The following BAZ2B variants were observed in gnomAD, a reference collection of about 807,000 sequenced individuals.
BAZ2B encodes bromodomain adjacent to zinc finger domain 2B.
In BAZ2B, 91 loss-of-function variants were observed where a neutral mutation model predicts 246.0. That is an observed-to-expected ratio of 0.37 (90% confidence interval 0.31 to 0.44). The LOEUF is 0.44. Ranked by LOEUF, BAZ2B falls within the 20% of genes least tolerant of loss-of-function variation. The probability of loss-of-function intolerance (pLI) is 1.00; values close to 1 mark genes in which losing one functional copy is unlikely to be tolerated. For synonymous variants in BAZ2B, 855 were observed against 860.0 expected, an observed-to-expected ratio of 0.99 and a Z score of 0.10; for missense variants, 2,332 against 2,533.7, an observed-to-expected ratio of 0.92 and a Z score of 1.71.
At chr2:159,637,575 A>AT in the BAZ2B span, among the ~76,000 whole-genome samples, 1 of 151,874 alleles carries the variant, frequency 6.6e-6, no homozygotes, top group East Asian at 1.9e-4. Context: ...TTTTATTTTT[A>AT]TTTTTTTCGA....
At chr2:159,644,760 A>T in the BAZ2B span, among the ~76,000 whole-genome samples, 1 of 152,152 alleles carries the variant, frequency 6.6e-6, no homozygotes, top group Admixed American at 6.5e-5. Context: ...TACACCCAGG[A>T]GGCGCACCCA....
intron 3 of BAZ2B, among the ~76,000 whole-genome samples, chr2:159,477,764 G>C (rs1346432852): frequency 6.6e-6 from 1 of 152,222 alleles, no homozygotes; most frequent in Non-Finnish European, 1.5e-5. Context: ...AACCAAGAGT[G>C]ATTTTGGGAG....
intron 2 of BAZ2B, among the ~76,000 whole-genome samples, chr2:159,509,863 A>G (rs12988824): frequency 0.15 from 22,244 of 152,096 alleles, 1,829 homozygotes; most frequent in Middle Eastern, 0.2. Flanking sequence ...ACATGTATAT[A>G]TGAGCAACTG....
intron 27 of BAZ2B, among the ~76,000 whole-genome samples, chr2:159,357,209 G>A (rs1435901888): frequency 6.6e-6 from 1 of 151,920 alleles, no homozygotes; most frequent in African/African-American, 2.4e-5. Context: ...AACCCAATGC[G>A]ATGAAGCTAA....
At chr2:159,509,443 G>A (rs181277325) in intron 2 of BAZ2B, among the ~76,000 whole-genome samples, 2 of 152,104 alleles carry the variant, frequency 1.3e-5, no homozygotes, top group African/African-American at 4.8e-5. Flanking sequence ...CACTTTAAGA[G>A]GTGGCTATTT....
chr2:159,549,339 T>C (rs1175460775), intron 2 of BAZ2B, among the ~76,000 whole-genome samples: 1 of 152,166 alleles, frequency 6.6e-6, no homozygotes, highest in Non-Finnish European at 1.5e-5. Context: ...TCTGAACATA[T>C]GTTCTTTCAA....
At chr2:159,367,093 C>T (rs1011600404) in intron 27 of BAZ2B, among the ~76,000 whole-genome samples, 1 of 152,128 alleles carries the variant, frequency 6.6e-6, no homozygotes, top group Non-Finnish European at 1.5e-5. Context: ...AGATCCTGGT[C>T]CTTTGTAATG....
At position 159,319,888 on chromosome 2, in the gene BAZ2B, G is replaced by T. The variant is rs2062496973; in HGVS notation, c.*377C>A. 6.5e-6 allele frequency: 1 copy of T among 154,266 alleles called. No individual in the cohort carries two copies. The allele number at this position is 154,266 out of a possible 1,614,324, so 9.6% of individuals were successfully genotyped here. On this transcript the variant is annotated 3_prime_UTR_variant, in exon 37 of 37. Coordinates refer to ENST00000392783, the MANE Select transcript of BAZ2B (RefSeq NM_013450.4). The surrounding 1 kb of genome is among the most constrained non-coding windows in gnomAD (Gnocchi z 4.0). ...AAAATAAACTACAAAGTAAAAAAAT[G>T]AAAAATAGATATTTATTGAGAGGGA... is the stretch of plus-strand genomic sequence containing the variant.
chr2:159,448,767 A>G (rs1398852008), intron 4 of BAZ2B, among the ~76,000 whole-genome samples: 9 of 152,216 alleles, frequency 5.9e-5, no homozygotes, highest in Non-Finnish European at 1.3e-4. Context: ...TCAAACCCTT[A>G]GAATTTAAGT....
At chr2:159,462,477 G>A (rs2076527128) in intron 3 of BAZ2B, 5 of 1,071,616 alleles carry the variant, frequency 4.7e-6, no homozygotes, top group Middle Eastern at 2.0e-4. Context: ...GGAAGCTGCC[G>A]GCGCAAGACC....
chr2:159,459,942 A>T (rs1242635438), intron 3 of BAZ2B: 1 of 152,034 alleles, frequency 6.6e-6, no homozygotes, highest in African/African-American at 2.4e-5. Context: ...GAAGACCACA[A>T]TTTTTTGCAG....
chr2:159,402,939 T>C (rs1000931037), intron 16 of BAZ2B, among the ~76,000 whole-genome samples: 21 of 152,226 alleles, frequency 1.4e-4, no homozygotes, highest in African/African-American at 2.9e-4. Flanking sequence ...ATCTTCTTTT[T>C]ACATAAGAGA....
intron 30 of BAZ2B, among the ~76,000 whole-genome samples, chr2:159,348,330 A>G (rs1202304642): frequency 6.6e-6 from 1 of 151,132 alleles, no homozygotes; most frequent in Non-Finnish European, 1.5e-5. Flanking sequence ...AAAAAAAAAA[A>G]AAAAAAAAAA....
chr2:159,499,312 T>C (rs2081470740), intron 2 of BAZ2B, among the ~76,000 whole-genome samples: 1 of 152,216 alleles, frequency 6.6e-6, no homozygotes, highest in South Asian at 2.1e-4. Flanking sequence ...ATGCTCGGGA[T>C]AATGGCTTCG....
chr2:159,434,411 G>A (rs2071786265), intron 8 of BAZ2B: 1 of 152,246 alleles, frequency 6.6e-6, no homozygotes, highest in Non-Finnish European at 1.5e-5. Context: ...CACCTGCCTT[G>A]GCCTCCCAAA....
intron 3 of BAZ2B, among the ~76,000 whole-genome samples, chr2:159,470,176 G>A (rs1402270455): frequency 6.6e-6 from 1 of 152,102 alleles, no homozygotes; most frequent in Non-Finnish European, 1.5e-5. Flanking sequence ...AAAATAGCAA[G>A]TTAAAAGGAA....
intron 19 of BAZ2B, chr2:159,397,017 A>G: frequency 7.8e-7 from 1 of 1,287,832 alleles, no homozygotes; most frequent in Non-Finnish European, 1.0e-6. Flanking sequence ...TATGACAACC[A>G]TATCACAACC....
rs182421745 is a variant in BAZ2B at position 159,478,533 on chromosome 2, A to G, written c.145+42T>C. 37 of 1,556,372 alleles carry G rather than the reference A, an allele frequency of 2.4e-5. 1 individual carries two copies. The African/African-American group carries it at 3.3e-4, about 14-fold the overall frequency. Reference sequence around the variant, plus strand: ...CAATAAAATATTATGCAAATTATTAAAAGAATGGCATTCTAAAATTGAGTT... The same window carrying G: ...CAATAAAATATTATGCAAATTATTAGAAGAATGGCATTCTAAAATTGAGTT... On this transcript the variant is annotated intron_variant, in intron 3 of 36. Transcript: ENST00000392783.
the BAZ2B span, among the ~76,000 whole-genome samples, chr2:159,625,885 G>A: frequency 6.6e-6 from 1 of 152,026 alleles, no homozygotes; most frequent in Non-Finnish European, 1.5e-5. Flanking sequence ...CTGGCAAAAT[G>A]GATAAAGAGT....
Sources: allele counts gnomAD v4.1 joint callset (sites outside exome capture counted in the v4.1 genomes callset), GRCh38; gene constraint gnomAD v4.1.1; non-coding constraint Gnocchi (gnomAD v3.1); transcripts MANE v1.5; gene names NCBI Gene and HGNC (gene_info 2026-07-23, HGNC 2026-07-21).